Variants in ACACA observed in about 807,000 individuals in gnomAD.
The protein encoded by ACACA is acetyl-CoA carboxylase 1.
In ACACA, 103 loss-of-function variants were observed where a neutral mutation model predicts 296.1. That is an observed-to-expected ratio of 0.35 (90% CI 0.30 to 0.41). The LOEUF is 0.41. Among genes scored for constraint, ACACA ranks in the 10% least tolerant of loss-of-function variants. The pLI is 1.00. For missense variants in ACACA, 1,554 were observed against 2,989.7 expected (o/e 0.52, Z 11.20); for synonymous variants, 953 against 1,038.6 (o/e 0.92, Z 1.58).
intron 52 of ACACA, 74 bp downstream of exon 52, chr17:37,111,457 C>T: frequency 9.3e-7 from 1 of 1,074,862 alleles, no homozygotes; most frequent in South Asian, 1.2e-5. Context: ...TGCCTCCTCC[C>T]CTGGCCTATG....
intron 18 of ACACA, chr17:37,247,768 G>A (rs1598304666): frequency 1.7e-6 from 1 of 573,694 alleles, no homozygotes; most frequent in Non-Finnish European, 3.1e-6. Context: ...TTTAACAATG[G>A]TTACTTATAA....
intron 3 of ACACA, among the ~76,000 whole-genome samples, chr17:37,311,521 AC>A (rs1232279175): frequency 6.6e-6 from 1 of 152,192 alleles, no homozygotes; most frequent in Non-Finnish European, 1.5e-5. Flanking sequence ...TAGAAGAATT[AC>A]TAGATAGTCT....
chr17:37,294,109 T>A (rs1474850102), intron 3 of ACACA, among the ~76,000 whole-genome samples: 2 of 151,872 alleles, frequency 1.3e-5, no homozygotes, highest in South Asian at 4.2e-4. Context: ...CAACATTAAG[T>A]TACTCTCATT....
intron 47 of ACACA, among the ~76,000 whole-genome samples, chr17:37,126,680 T>A (rs2074802835): frequency 6.6e-6 from 1 of 152,188 alleles, no homozygotes; most frequent in South Asian, 2.1e-4. Flanking sequence ...AAAGTGGAGA[T>A]CTGAGCAAGC....
At chr17:37,335,399 T>C (rs1317847762) in intron 2 of ACACA, among the ~76,000 whole-genome samples, 4 of 152,162 alleles carry the variant, frequency 2.6e-5, no homozygotes, top group Non-Finnish European at 4.4e-5. Context: ...AGCAATACTA[T>C]AGACACAGCC....
chr17:37,298,500 A>T (rs2083461991), intron 3 of ACACA, among the ~76,000 whole-genome samples: 1 of 152,118 alleles, frequency 6.6e-6, no homozygotes, highest in Non-Finnish European at 1.5e-5. Flanking sequence ...TGGGCAACAC[A>T]GTGAGACCCC....
At chr17:37,391,659 G>T in intron 1 of ACACA, 1 of 1,613,814 alleles carries the variant, frequency 6.2e-7, no homozygotes, top group Non-Finnish European at 8.5e-7. Flanking sequence ...TGGACAAGAT[G>T]CTGCCAATTC....
chr17:37,181,420 G>A (rs1218653224), intron 39 of ACACA, 64 bp from the exon 40 acceptor site: 1 of 1,585,892 alleles, frequency 6.3e-7, no homozygotes, highest in Non-Finnish European at 8.6e-7. Flanking sequence ...GCTGCCTAGA[G>A]GGGCTTTTTT....
At chr17:37,301,533 G>C in intron 3 of ACACA, 1 of 295,094 alleles carries the variant, frequency 3.4e-6, no homozygotes, top group Non-Finnish European at 5.0e-6. Context: ...CACACACTGT[G>C]AGAGACTGTT....
At chr17:37,229,329 A>G (rs2079721703) in intron 25 of ACACA, among the ~76,000 whole-genome samples, 1 of 151,924 alleles carries the variant, frequency 6.6e-6, no homozygotes, top group Non-Finnish European at 1.5e-5. Context: ...TTTAAGACGG[A>G]GTCTCTCTCT....
intron 3 of ACACA, among the ~76,000 whole-genome samples, chr17:37,324,440 C>T (rs549115581): frequency 4.6e-5 from 7 of 150,598 alleles, no homozygotes; most frequent in East Asian, 2.0e-4. Context: ...GAGGCTGAGG[C>T]GGGCGGATCA....
At chr17:37,104,586 C>A (rs2073556381) in intron 52 of ACACA, among the ~76,000 whole-genome samples, 1 of 152,150 alleles carries the variant, frequency 6.6e-6, no homozygotes, top group African/African-American at 2.4e-5. Context: ...GCACAGTGGC[C>A]TATCAGGTGT....
chr17:37,341,916 C>G (rs1251952868), intron 1 of ACACA, among the ~76,000 whole-genome samples: 1 of 151,978 alleles, frequency 6.6e-6, no homozygotes, highest in Admixed American at 6.6e-5. Flanking sequence ...TTCCTAAACT[C>G]CTGCCCTGAA....
chr17:37,270,267 A>C (rs2082010065), intron 10 of ACACA, among the ~76,000 whole-genome samples: 1 of 152,040 alleles, frequency 6.6e-6, no homozygotes, highest in Admixed American at 6.6e-5. Context: ...TATGATAGAA[A>C]CTCAGAGGTC....
intron 24 of ACACA, among the ~76,000 whole-genome samples, chr17:37,235,600 G>C (rs565866495): frequency 1.2e-4 from 19 of 152,258 alleles, no homozygotes; most frequent in African/African-American, 4.6e-4. Context: ...GCAGAAAATA[G>C]TTGACCCTAA....
chr17:37,363,637 C>G (rs2049498804), intron 1 of ACACA, among the ~76,000 whole-genome samples: 1 of 152,154 alleles, frequency 6.6e-6, no homozygotes. Context: ...ACAAGAAAGT[C>G]TCTCAAGTCA....
Position 37,294,444 on chromosome 17 carries a change from A to G in ACACA, c.339-9474T>C, listed in dbSNP as rs367833347. ...AACATGTAACAATAAGTGTGCATAC[A>G]AATAAACACATCTAGACATGTATAG... is the stretch of plus-strand genomic sequence containing the variant. On this transcript the variant is annotated intron_variant, in intron 3 of 55. Transcript: ENST00000616317. Among the ~76,000 whole-genome samples the G allele has an allele frequency of 7.1e-4, 108 of 152,368 alleles. 1 individual carries two copies. In the Middle Eastern group the frequency reaches 0.014, roughly 19 times the overall value.
intron 51 of ACACA, among the ~76,000 whole-genome samples, chr17:37,111,960 C>T (rs1377824580): frequency 2.6e-5 from 4 of 152,048 alleles, no homozygotes; most frequent in African/African-American, 9.7e-5. Flanking sequence ...CATTATTTTC[C>T]AGGGGAAAAA....
intron 54 of ACACA, among the ~76,000 whole-genome samples, chr17:37,094,862 T>C (rs1425670270): frequency 6.6e-6 from 1 of 152,240 alleles, no homozygotes; most frequent in Non-Finnish European, 1.5e-5. Context: ...GGAAATGGCC[T>C]CAGTGCTCAG....
Sources: allele counts gnomAD v4.1 joint callset (sites outside exome capture counted in the v4.1 genomes callset), GRCh38; gene constraint gnomAD v4.1.1; transcripts MANE v1.5; gene names NCBI Gene and HGNC (gene_info 2026-07-23, HGNC 2026-07-21).